The following INTS11 variants were observed in gnomAD, a reference collection of about 807,000 sequenced individuals.
The protein encoded by INTS11 is integrator complex subunit 11.
INTS11 carries 77 observed loss-of-function variants against 78.6 expected under a neutral mutation model. That is an observed-to-expected ratio of 0.98 (90% CI 0.81 to 1.18). The LOEUF is 1.18. Among genes scored for constraint, INTS11 ranks in the 50% most tolerant of loss-of-function variants. The pLI is 0.00. For synonymous variants in INTS11, 441 were observed against 326.9 expected, an observed-to-expected ratio of 1.35 and a Z score of -3.77; for missense variants, 875 against 825.9, an observed-to-expected ratio of 1.06 and a Z score of -0.73.
chr1:1,320,796 G>A (rs1347364685), intron 2 of INTS11, 200 bp downstream of exon 2: 1 of 717,174 alleles, frequency 1.4e-6, no homozygotes. Context: ...CGGGGCTGGG[G>A]CTCAGCGCCA....
intron 3 of INTS11, 147 bp downstream of exon 3, chr1:1,320,309 G>T (rs757999148): frequency 1.4e-6 from 1 of 726,786 alleles, no homozygotes; most frequent in Non-Finnish European, 2.4e-6. Flanking sequence ...CAGTAAGGCA[G>T]GCAGGGAGCA....
chr1:1,312,213 G>GGCCCCCCCCCCC lies in INTS11; in HGVS notation c.1607+12_1607+13insGGGGGGGGGGGC. On this transcript the variant is annotated intron_variant, in intron 15 of 16. Coordinates refer to ENST00000435064, the MANE Select transcript of INTS11 (RefSeq NM_017871.6). The stretch of plus-strand genomic sequence containing the variant: ...CCCAAGGGAGTGGGGGGGGGGCGGG[G>GGCCCCCCCCCCC]CCGGGCGCCCACCTCTTGAGGTGGC... The GGCCCCCCCCCCC allele has an allele frequency of 3.2e-6, 3 of 933,986 alleles. No homozygotes were observed. Among genetic ancestry groups the GGCCCCCCCCCCC allele is most frequent in the Non-Finnish European group, 4.7e-6 (3 of 636,084 alleles). 57.9% of individuals were successfully genotyped at this position (933,986 alleles called of 1,614,324 possible). A position where few individuals can be genotyped will look rare whatever the true frequency, so the allele number is the denominator to read the frequency against.
chr1:1,312,926 C>CTCCA lies in INTS11; in HGVS notation c.1151_1154dup (p.Glu385AspfsTer89). 1 of 1,612,178 alleles carries CTCCA rather than the reference C, an allele frequency of 6.2e-7. No individual in the cohort carries two copies. The highest frequency in any genetic ancestry group is 8.5e-7 in the Non-Finnish European group (1 of 1,179,472). ...CCGCGTGTGCGCTGAATGACATGTA[C>CTCCA]TCCACCTGCATCTTGACCTCCAGCT... is the stretch of plus-strand genomic sequence containing the variant. On this transcript the variant is annotated frameshift_variant, in exon 12 of 17. Transcript: ENST00000435064. LOFTEE classifies it high-confidence loss of function.
chr1:1,315,645 C>G (rs779586958), intron 4 of INTS11, 27 bp from the exon 5 acceptor site: 9 of 1,523,988 alleles, frequency 5.9e-6, no homozygotes, highest in African/African-American at 1.4e-5. Flanking sequence ...TGCGCTCAGG[C>G]TGTGTCCTCA....
In INTS11 at chr1:1,324,587, G is replaced by A; in HGVS notation, c.22C>T (p.Pro8Ser). The A allele has an allele frequency of 1.3e-6, 2 of 1,595,988 alleles. No homozygotes were observed. The highest frequency in any genetic ancestry group is 1.7e-6 in the Non-Finnish European group (2 of 1,173,296). Reference sequence around the variant, plus strand: ...CCCGGCGGCTCCCACTCACCCAAGGGCGTGACTCTGATCTCAGGCATCGTC... The same window carrying A: ...CCCGGCGGCTCCCACTCACCCAAGGACGTGACTCTGATCTCAGGCATCGTC... Reference protein sequence around the residue: MPEIRVTPLGAGQDVGRS... With the variant: MPEIRVTSLGAGQDVGRS... Residue 8 changes from proline to serine, a missense_variant, in exon 1 of 17, where the codon CCC becomes TCC. Physicochemically the swap from Pro to Ser is moderately conservative, Grantham distance 74. Coordinates refer to ENST00000435064, the MANE Select transcript of INTS11 (RefSeq NM_017871.6).
rs766735536 is a variant in INTS11, at chr1:1,313,827, G to C, written c.862C>G (p.Gln288Glu). 9 of 1,613,380 alleles carry C rather than the reference G, an allele frequency of 5.6e-6. No individual in the cohort carries two copies. The African/African-American group carries it at 1.1e-4, about 19-fold the overall frequency. ...YYKLFIPWTN[Q>E]KIRKTFVQRN... Reference sequence around the variant, plus strand: ...TGCACGAAAGTCTTGCGGATCTTCTGGTTGGTCCAGGGGATGAACAGCTTG... The same window carrying C: ...TGCACGAAAGTCTTGCGGATCTTCTCGTTGGTCCAGGGGATGAACAGCTTG... The change falls in exon 9 of 17, where the codon CAG (glutamine) becomes GAG (glutamate). Residue 288 changes from glutamine to glutamate, a missense_variant. Physicochemically the swap from Gln to Glu is conservative, Grantham distance 29. Transcript: ENST00000435064.
intron 4 of INTS11, chr1:1,316,603 A>C (rs1358293948): frequency 6.6e-6 from 1 of 150,910 alleles, no homozygotes; most frequent in Non-Finnish European, 1.5e-5. Flanking sequence ...ATTGGCAAAA[A>C]ACTAGACTTC....
intron 3 of INTS11, chr1:1,319,744 G>A (rs1394467279): frequency 1.1e-5 from 6 of 569,480 alleles, no homozygotes; most frequent in East Asian, 5.8e-5. Flanking sequence ...TGAACACGTC[G>A]GTGACGGCGA....
chr1:1,315,644 G>A (rs1642534012), intron 4 of INTS11, 26 bp from the exon 5 acceptor site: 6 of 1,581,952 alleles, frequency 3.8e-6, no homozygotes, highest in Middle Eastern at 1.7e-4. Flanking sequence ...CTGCGCTCAG[G>A]CTGTGTCCTC....
chr1:1,322,910 G>A lies in INTS11; in HGVS notation c.28+1671C>T, dbSNP rs988964592. 37 of 1,294,576 alleles carry A rather than the reference G, an allele frequency of 2.9e-5. No individual in the cohort carries two copies. In the African/African-American group the frequency reaches 3.9e-4, roughly 14 times the overall value. The allele number at this position is 1,294,576 out of a possible 1,614,324, so 80.2% of individuals were successfully genotyped here. ...ATGATACCTTGGCTGAGGTGACCTTGAGAATATACCCAGGTACAGATTGCG... is the reference window on the plus strand; with the variant it reads ...ATGATACCTTGGCTGAGGTGACCTTAAGAATATACCCAGGTACAGATTGCG... On this transcript the variant is annotated intron_variant, in intron 1 of 16. Coordinates refer to ENST00000435064, the MANE Select transcript of INTS11 (RefSeq NM_017871.6).
chr1:1,321,107 G>C lies in INTS11; in HGVS notation c.29-14C>G. ...CCTGGCCGGCCCCTACTCGAGGGAGGGCAGATGAGTCACTGCTGCGCCCCC... is the reference window on the plus strand; with the variant it reads ...CCTGGCCGGCCCCTACTCGAGGGAGCGCAGATGAGTCACTGCTGCGCCCCC... On this transcript the variant is annotated splice_polypyrimidine_tract_variant and intron_variant, in intron 1 of 16. Coordinates refer to ENST00000435064, the MANE Select transcript of INTS11 (RefSeq NM_017871.6). 6.2e-7 allele frequency: 1 copy of C among 1,600,508 alleles called. No homozygotes were observed. Among genetic ancestry groups the C allele is most frequent in the Non-Finnish European group, 8.5e-7 (1 of 1,170,838 alleles).
intron 4 of INTS11, chr1:1,317,467 T>C: frequency 1.0e-6 from 1 of 967,974 alleles, no homozygotes; most frequent in Non-Finnish European, 1.2e-6. Context: ...CAGAAGAGAA[T>C]CCATGAACTG....
rs201428748 is a variant in INTS11 at position 1,319,225 on chromosome 1, G to A, written c.429+71C>T. 3,315 of 1,310,804 alleles carry A rather than the reference G, an allele frequency of 2.5e-3. 5 individuals are homozygous for A. The highest frequency in any genetic ancestry group is 3.3e-3 in the Non-Finnish European group (2,940 of 903,896). 81.2% of individuals were successfully genotyped at this position (1,310,804 alleles called of 1,614,324 possible). Reference sequence around the variant, plus strand: ...GCCCCAGCCTTCCAGAAACTGTGTAGAACGGGCGGAGGGCATGGTTGGTGT... The same window carrying A: ...GCCCCAGCCTTCCAGAAACTGTGTAAAACGGGCGGAGGGCATGGTTGGTGT... On this transcript the variant is annotated intron_variant, in intron 4 of 16. Transcript: ENST00000435064.
At position 1,312,908 on chromosome 1, in the gene INTS11, T is replaced by TGCG; in HGVS notation, c.1170_1172dup (p.Ala391dup). The TGCG allele has an allele frequency of 6.2e-7, 1 of 1,612,482 alleles. No individual in the cohort carries two copies. The highest frequency in any genetic ancestry group is 8.5e-7 in the Non-Finnish European group (1 of 1,179,766). On this transcript the variant is annotated inframe_insertion, in exon 12 of 17. Transcript: ENST00000435064. ...GCATGATGCCCTTGGCGTCCGCGTG[T>TGCG]GCGCTGAATGACATGTACTCCACCT... is the stretch of plus-strand genomic sequence containing the variant.
chr1:1,315,144 C>T (rs1642500657), intron 6 of INTS11, 182 bp from the exon 7 acceptor site: 2 of 792,822 alleles, frequency 2.5e-6, no homozygotes, highest in South Asian at 3.6e-5. Context: ...GAGACAGAGG[C>T]ACCCACCCAG....
chr1:1,318,956 G>A (rs1315392257), intron 4 of INTS11: 5 of 717,136 alleles, frequency 7.0e-6, no homozygotes, highest in South Asian at 5.9e-5. Flanking sequence ...CAACACCCCG[G>A]GAGCTCCAGC....
intron 4 of INTS11, chr1:1,316,039 G>A (rs139861980): frequency 4.0e-6 from 1 of 250,176 alleles, no homozygotes; most frequent in Non-Finnish European, 7.8e-6. Flanking sequence ...TCAGAATGTT[G>A]GCGGCCAGGC....
At chr1:1,320,107 GAGCTGCTGA>G (rs553183976) in intron 3 of INTS11, 64 of 269,194 alleles carry the variant, frequency 2.4e-4, no homozygotes, top group African/African-American at 1.3e-3. Flanking sequence ...AGCGGGTCAT[GAGCTGCTGA>G]ACCCTAAAGG....
Position 1,313,498 on chromosome 1 carries a change from C to T in INTS11, c.1041+11G>A. On this transcript the variant is annotated intron_variant, in intron 10 of 16. Coordinates refer to ENST00000435064, the MANE Select transcript of INTS11 (RefSeq NM_017871.6). ...CAGCTTCCAGATTCCCACACCTCAC[C>T]ATGCCCTCACCATGTTCTTTTCGTT... The T allele has an allele frequency of 6.2e-7, 1 of 1,612,904 alleles. No individual in the cohort carries two copies. The highest frequency in any genetic ancestry group is 8.5e-7 in the Non-Finnish European group (1 of 1,179,890).
Sources: gnomAD v4.1 joint callset for allele counts on GRCh38, gnomAD v4.1.1 for gene constraint, MANE v1.5 for transcripts, NCBI Gene and HGNC (gene_info 2026-07-23, HGNC 2026-07-21) for gene names.